Variants in KIF24 observed in about 807,000 individuals in gnomAD.
KIF24 encodes the protein kinesin family member 24.
A neutral mutation model predicts 118.9 loss-of-function variants in KIF24; 81 were observed. The observed-to-expected ratio is 0.68, with a 90% CI of 0.57 to 0.82. KIF24 has a LOEUF of 0.82. KIF24 is among the 40% of genes least tolerant of loss of function. KIF24 has a pLI of 0.00. For synonymous variants in KIF24, 599 were observed against 610.0 expected, an observed-to-expected ratio of 0.98 and a Z score of 0.27; for missense variants, 1,560 against 1,661.6, an observed-to-expected ratio of 0.94 and a Z score of 1.06.
intron 1 of KIF24, among the ~76,000 whole-genome samples, chr9:34,312,510 A>G (rs1471769654): frequency 1.3e-5 from 2 of 152,218 alleles, no homozygotes; most frequent in African/African-American, 4.8e-5. Flanking sequence ...CTAGTGGTAC[A>G]ACTTTCCTGT....
rs1194950535 is a variant in KIF24, at chr9:34,296,235, AC to A, written c.911+781del. On this transcript the variant is annotated intron_variant, in intron 4 of 12. Coordinates refer to ENST00000402558, the MANE Select transcript of KIF24 (RefSeq NM_194313.4). ...CTCTGTCTCAAAAAAAAAAAAAAAA[AC>A]ATCTATGAGGCCGGGCGTGGTGGCT... 2.4e-4 allele frequency among the ~76,000 whole-genome samples: 33 copies of A among 135,166 alleles called. No homozygotes were observed. The South Asian group carries it at 3.8e-3, about 15-fold the overall frequency. 88.7% of individuals were successfully genotyped at this position (135,166 alleles called of 152,430 possible). A position where few individuals can be genotyped will look rare whatever the true frequency, so the allele number is the denominator to read the frequency against.
chr9:34,329,907 G>T (rs1201405480), upstream of KIF24, among the ~76,000 whole-genome samples: 2 of 152,238 alleles, frequency 1.3e-5, no homozygotes, highest in African/African-American at 2.4e-5. Context: ...GGGCCCAGAG[G>T]CCCAGGCGCC....
chr9:34,302,799 G>A lies in KIF24; in HGVS notation c.813+3453C>T, dbSNP rs1226063680. Among the ~76,000 whole-genome samples, 3 of 137,886 alleles carry A rather than the reference G, an allele frequency of 2.2e-5. No homozygotes were observed. The South Asian group carries it at 6.8e-4, about 31-fold the overall frequency. 90.5% of individuals were successfully genotyped at this position (137,886 alleles called of 152,430 possible). A position where few individuals can be genotyped will look rare whatever the true frequency, so the allele number is the denominator to read the frequency against. ...AATTTTTTTTTTTTTTTTCTGAGAC[G>A]GAGTCTCCCTCTCTCTCCCAGTCTG... On this transcript the variant is annotated intron_variant, in intron 3 of 12. Transcript: ENST00000402558.
At chr9:34,280,267 G>T (rs183349654) in intron 6 of KIF24, among the ~76,000 whole-genome samples, 5,942 of 121,454 alleles carry the variant, frequency 0.049, 225 homozygotes, top group Admixed American at 0.1. Context: ...CTGGGCGACA[G>T]GGCGAGACTC....
chr9:34,254,390 A>G lies in KIF24; in HGVS notation c.4097T>C (p.Val1366Ala). 6.2e-7 allele frequency: 1 copy of G among 1,613,186 alleles called. No homozygotes were observed. The highest frequency in any genetic ancestry group is 1.1e-5 in the South Asian group (1 of 91,040). ...HGPTAAPEGTVPS is the reference protein window; with the variant it reads ...HGPTAAPEGTAPS ...GCACAGGGTCTGGCTCTAAGACGGC[A>G]CTGTTCCCTCAGGGGCTGCGGTGGG... is the stretch of plus-strand genomic sequence containing the variant. The change falls in exon 13 of 13, where the codon GTG becomes GCG. Residue 1366 changes from valine (V) to alanine (A), a missense_variant. By Grantham distance (64) the Val-to-Ala change is moderately conservative (BLOSUM62 0). Around this residue, in one of 3 missense-constraint regions of KIF24, gnomAD observed 591 missense variants for 655.6 expected, o/e 0.90. Coordinates refer to ENST00000402558, the MANE Select transcript of KIF24 (RefSeq NM_194313.4).
chr9:34,288,903 G>A (rs898097832), intron 5 of KIF24, among the ~76,000 whole-genome samples: 5 of 144,680 alleles, frequency 3.5e-5, no homozygotes, highest in South Asian at 2.1e-4. Flanking sequence ...CAGCACAGTG[G>A]CTTTTATTCC....
At position 34,311,368 on chromosome 9, in the gene KIF24, A is replaced by C; in HGVS notation, c.-22T>G. 1 of 1,492,698 alleles carries C rather than the reference A, an allele frequency of 6.7e-7. No individual in the cohort carries two copies. Among genetic ancestry groups the C allele is most frequent in the East Asian group, 2.3e-5 (1 of 43,280 alleles). 92.5% of individuals were successfully genotyped at this position (1,492,698 alleles called of 1,614,324 possible). A position where few individuals can be genotyped will look rare whatever the true frequency, so the allele number is the denominator to read the frequency against. On this transcript the variant is annotated 5_prime_UTR_variant, in exon 2 of 13. Coordinates refer to ENST00000402558, the MANE Select transcript of KIF24 (RefSeq NM_194313.4). The stretch of plus-strand genomic sequence containing the variant: ...CCATTTTGGTGAATAGGTTTCTATA[A>C]ACTCTGAAGAGAGAAAGAAAAGCCA...
chr9:34,307,414 AC>A (rs755558067), intron 2 of KIF24, among the ~76,000 whole-genome samples: 35 of 151,448 alleles, frequency 2.3e-4, no homozygotes, highest in East Asian at 5.8e-4. Flanking sequence ...AAAAAAAAAA[AC>A]CAGCAAATAA....
chr9:34,293,944 C>T (rs1365541975), intron 4 of KIF24, among the ~76,000 whole-genome samples: 1 of 152,110 alleles, frequency 6.6e-6, no homozygotes, highest in Non-Finnish European at 1.5e-5. Context: ...TAAAATGGTA[C>T]ACTTTGAAAA....
chr9:34,306,200 A>C, intron 3 of KIF24, 52 bp downstream of exon 3: 5 of 1,280,844 alleles, frequency 3.9e-6, no homozygotes, highest in Non-Finnish European at 2.2e-6. Flanking sequence ...AAGCAAAAAA[A>C]AATGACATAC....
upstream of KIF24, among the ~76,000 whole-genome samples, chr9:34,333,644 C>CAAAAAAAAA (rs34830977): frequency 6.4e-5 from 3 of 47,088 alleles, no homozygotes; most frequent in Non-Finnish European, 1.1e-4. Context: ...GAGACATTGT[C>CAAAAAAAAA]AAAAAAAAAA....
At chr9:34,306,168 T>C in intron 3 of KIF24, 84 bp downstream of exon 3, 2 of 849,714 alleles carry the variant, frequency 2.4e-6, no homozygotes, top group Non-Finnish European at 3.8e-6. Flanking sequence ...AACAGAAACT[T>C]GTATGCCACC....
chr9:34,325,404 T>C (rs1258531390), intron 1 of KIF24, among the ~76,000 whole-genome samples: 1 of 145,166 alleles, frequency 6.9e-6, no homozygotes. Flanking sequence ...TCTAAAACAG[T>C]GCCTGGGGCC....
chr9:34,311,672 GTATATGTA>G lies in KIF24; in HGVS notation c.-25-309_-25-302del, dbSNP rs574599691. Among the ~76,000 whole-genome samples, 571 of 99,086 alleles carry G rather than the reference GTATATGTA, an allele frequency of 5.8e-3. 1 individual carries two copies. The highest frequency in any genetic ancestry group is 0.018 in the African/African-American group (539 of 30,114). 65.0% of individuals were successfully genotyped at this position (99,086 alleles called of 152,430 possible). ...TATACGTGTATATACATATATACGT[GTATATGTA>G]TATATATACGTATATATGTACATAT... On this transcript the variant is annotated intron_variant, in intron 1 of 12. Transcript: ENST00000402558.
intron 8 of KIF24, among the ~76,000 whole-genome samples, chr9:34,266,517 A>G (rs568251155): frequency 1.3e-5 from 2 of 152,110 alleles, no homozygotes; most frequent in East Asian, 3.9e-4. Context: ...TCTCTACTAA[A>G]AATACAAAAA....
At chr9:34,300,139 C>A (rs1011302828) in intron 3 of KIF24, among the ~76,000 whole-genome samples, 1 of 151,962 alleles carries the variant, frequency 6.6e-6, no homozygotes, top group African/African-American at 2.4e-5. Flanking sequence ...AAAGTGAGAA[C>A]ACAAATCCAA....
At chr9:34,282,642 T>A (rs555735042) in intron 6 of KIF24, 1 of 151,830 alleles carries the variant, frequency 6.6e-6, no homozygotes, top group East Asian at 1.9e-4. Context: ...GAATAGAACA[T>A]GTTAAACTGC....
At chr9:34,319,470 G>A (rs780589330) in intron 1 of KIF24, 1 of 1,282,962 alleles carries the variant, frequency 7.8e-7, no homozygotes, top group South Asian at 1.2e-5. Context: ...CACCGCCTTT[G>A]AGTTGGACAC....
rs540551596 is a variant in KIF24 at position 34,271,866 on chromosome 9, C to T, written c.1280G>A (p.Arg427His). The T allele has an allele frequency of 1.5e-5, 24 of 1,610,802 alleles. No homozygotes were observed. The highest frequency in any genetic ancestry group is 8.4e-5 in the Admixed American group (5 of 59,490). Residue 427 changes from arginine to histidine, a missense_variant, in exon 7 of 13, where the codon CGC becomes CAC. Around this residue, in one of 3 missense-constraint regions of KIF24, gnomAD observed 964 missense variants for 988.0 expected, o/e 0.98. Transcript: ENST00000402558. ...GATGVNADSS[R>H]SHAVIQIQIK... ...CTGAATTTGGATGACGGCATGGGAGCGGGAGGAGTCTGCATTAACTCCAGT... is the reference window on the plus strand; with the variant it reads ...CTGAATTTGGATGACGGCATGGGAGTGGGAGGAGTCTGCATTAACTCCAGT...
Sources: allele counts gnomAD v4.1 joint callset (sites outside exome capture counted in the v4.1 genomes callset), GRCh38; gene constraint gnomAD v4.1.1; regional missense constraint gnomAD v4.1.1; transcripts MANE v1.5; gene names NCBI Gene and HGNC (gene_info 2026-07-23, HGNC 2026-07-21).